CHODL: variants seen among roughly 807,000 people sequenced by gnomAD.
CHODL encodes transmembrane protein MT75.
A neutral mutation model predicts 34.5 loss-of-function variants in CHODL; 29 were observed. The observed-to-expected ratio is 0.84, with a 90% CI of 0.63 to 1.15. The LOEUF (loss-of-function observed/expected upper bound fraction) is 1.15, where lower values mean the gene tolerates loss of function less well. Ranked by LOEUF, CHODL falls within the 50% of genes most tolerant of loss-of-function variation. CHODL has a pLI of 0.00. For synonymous variants in CHODL, 125 were observed against 116.1 expected (o/e 1.08, Z -0.49); for missense variants, 332 against 332.5 (o/e 1.00, Z 0.01).
intron 2 of CHODL, among the ~76,000 whole-genome samples, chr21:18,046,860 A>G (rs1451366643): frequency 2.0e-5 from 3 of 151,910 alleles, no homozygotes; most frequent in Non-Finnish European, 4.4e-5. Flanking sequence ...TCTTGCCTTC[A>G]TTTATTGTTA....
At chr21:18,200,847 G>A (rs1012445599) in intron 2 of CHODL, among the ~76,000 whole-genome samples, 17 of 152,162 alleles carry the variant, frequency 1.1e-4, no homozygotes, top group African/African-American at 4.1e-4. Flanking sequence ...AGAGAAGGTC[G>A]TGTGAAGACA....
intron 2 of CHODL, among the ~76,000 whole-genome samples, chr21:18,110,965 C>T (rs1167218525): frequency 6.6e-6 from 1 of 152,000 alleles, no homozygotes. Flanking sequence ...CTTGTCTTGC[C>T]CTATATGTTC....
Position 18,256,521 on chromosome 21 carries a change from GT to G in CHODL, c.96del (p.Phe32LeufsTer21). 8 of 1,603,796 alleles carry G rather than the reference GT, an allele frequency of 5.0e-6. No homozygotes were observed. Among genetic ancestry groups the G allele is most frequent in the Non-Finnish European group, 6.8e-6 (8 of 1,174,952 alleles). Reference sequence around the variant, plus strand: ...TTTTTTTTTTCAGGCCAAAAGGTGTGTTTTGCTGACTTCAAGCATCCCTGCT... The same window carrying G: ...TTTTTTTTTTCAGGCCAAAAGGTGTGTTTGCTGACTTCAAGCATCCCTGCT... Reference protein sequence around the residue: ...CRRVVSGQKVCFADFKHPCYK... With the variant: ...CRRVVSGQKVXFADFKHPCYK... On this transcript the variant is annotated frameshift_variant, in exon 2 of 6. Transcript: ENST00000299295. LOFTEE classifies it high-confidence loss of function.
At chr21:17,935,040 TGA>T (rs2063308208) in intron 1 of CHODL, among the ~76,000 whole-genome samples, 1 of 152,174 alleles carries the variant, frequency 6.6e-6, no homozygotes, top group African/African-American at 2.4e-5. Flanking sequence ...GCAAATATCA[TGA>T]GAGAATATTA....
At chr21:18,068,521 A>G (rs1022494659) in intron 2 of CHODL, among the ~76,000 whole-genome samples, 1 of 152,098 alleles carries the variant, frequency 6.6e-6, no homozygotes, top group Non-Finnish European at 1.5e-5. Context: ...TTAAATCTCT[A>G]AAATTCTTCT....
At chr21:18,069,441 G>A (rs149589) in intron 2 of CHODL, among the ~76,000 whole-genome samples, 68,915 of 151,594 alleles carry the variant, frequency 0.45, 16,900 homozygotes, top group East Asian at 0.95. Flanking sequence ...AATGTCATTG[G>A]TAATTGTTAT....
intron 1 of CHODL, among the ~76,000 whole-genome samples, chr21:18,251,226 T>C (rs568743684): frequency 4.6e-5 from 7 of 150,636 alleles, no homozygotes; most frequent in Admixed American, 2.7e-4. Context: ...AAAAATCATC[T>C]ACTTATTCAT....
At chr21:18,190,081 A>T (rs2073493310) in intron 2 of CHODL, among the ~76,000 whole-genome samples, 1 of 152,212 alleles carries the variant, frequency 6.6e-6, no homozygotes. Flanking sequence ...TATTTATGTC[A>T]TGAAATTTTC....
At chr21:17,972,305 G>A (rs2063621430) in intron 1 of CHODL, among the ~76,000 whole-genome samples, 2 of 152,128 alleles carry the variant, frequency 1.3e-5, no homozygotes, top group Non-Finnish European at 2.9e-5. Context: ...AATCAGGCAA[G>A]AGAAAGAAAT....
At chr21:18,245,676 A>G (rs1392890175) in intron 1 of CHODL, among the ~76,000 whole-genome samples, 1 of 152,038 alleles carries the variant, frequency 6.6e-6, no homozygotes, top group African/African-American at 2.4e-5. Context: ...CCAGAGACAG[A>G]AGAGCCACCG....
At chr21:18,185,137 T>G (rs1013447148) in intron 2 of CHODL, among the ~76,000 whole-genome samples, 1 of 152,208 alleles carries the variant, frequency 6.6e-6, no homozygotes, top group Non-Finnish European at 1.5e-5. Flanking sequence ...ACCTGTCATC[T>G]ACATTAGGTA....
chr21:18,051,658 T>A (rs548735516), intron 2 of CHODL, among the ~76,000 whole-genome samples: 2 of 152,028 alleles, frequency 1.3e-5, no homozygotes, highest in South Asian at 4.1e-4. Flanking sequence ...AAATTGTAAA[T>A]TTGGCAGGAA....
intron 2 of CHODL, among the ~76,000 whole-genome samples, chr21:18,045,013 A>G (rs140718577): frequency 1.6e-3 from 249 of 152,076 alleles, no homozygotes; most frequent in African/African-American, 5.6e-3. Context: ...TAAAAAGGGC[A>G]AACTTCCCAG....
intron 2 of CHODL, among the ~76,000 whole-genome samples, chr21:18,056,281 T>C (rs2064578752): frequency 6.6e-6 from 1 of 151,988 alleles, no homozygotes; most frequent in Admixed American, 6.6e-5. Flanking sequence ...TTTCAAATCT[T>C]GTTTATGTAG....
chr21:17,977,918 C>CAAAAAAAAAAA (rs57837589), intron 1 of CHODL, among the ~76,000 whole-genome samples: 76 of 68,862 alleles, frequency 1.1e-3, no homozygotes, highest in African/African-American at 1.3e-3. Context: ...ACTCCCATCT[C>CAAAAAAAAAAA]AAAAAAAAAA....
chr21:18,152,610 A>G (rs192257276), intron 2 of CHODL, among the ~76,000 whole-genome samples: 20 of 152,366 alleles, frequency 1.3e-4, no homozygotes, highest in Non-Finnish European at 2.2e-4. Context: ...GATCCTGGCC[A>G]CATGGCTCTC....
At chr21:18,088,846 G>C (rs981926247) in intron 2 of CHODL, among the ~76,000 whole-genome samples, 2 of 152,212 alleles carry the variant, frequency 1.3e-5, no homozygotes, top group African/African-American at 4.8e-5. Context: ...CAATGGATTT[G>C]TCAAAGTGAC....
At position 17,917,876 on chromosome 21, in the gene CHODL, CGT is replaced by C. The variant is rs138828872; in HGVS notation, c.-145+489_-145+490del. On this transcript the variant is annotated intron_variant, in intron 1 of 6. Coordinates refer to the CHODL transcript ENST00000400127. ...TCTTCTGTTGTCTCTCTCTGATATGCGTGTGTGTGTGTGTATGTGTGTGTGTG... is the reference window on the plus strand; with the variant it reads ...TCTTCTGTTGTCTCTCTCTGATATGCGTGTGTGTGTGTATGTGTGTGTGTG... 8.0e-3 allele frequency among the ~76,000 whole-genome samples: 1,212 copies of C among 150,796 alleles called. 19 individuals are homozygous for C. Among genetic ancestry groups the C allele is most frequent in the African/African-American group, 0.027 (1,112 of 41,230 alleles).
intron 2 of CHODL, among the ~76,000 whole-genome samples, chr21:18,095,652 T>G (rs929718495): frequency 6.6e-6 from 1 of 152,188 alleles, no homozygotes; most frequent in Non-Finnish European, 1.5e-5. Context: ...AAACTCATTC[T>G]ACAAGGCCAG....
Sources: gnomAD v4.1 joint callset for allele counts (sites outside exome capture counted in the v4.1 genomes callset) on GRCh38, gnomAD v4.1.1 for gene constraint, MANE v1.5 for transcripts, NCBI Gene and HGNC (gene_info 2026-07-23, HGNC 2026-07-21) for gene names.